TMIGD3: variants seen among roughly 807,000 people sequenced by gnomAD.
The protein encoded by TMIGD3 is transmembrane and immunoglobulin domain containing 3, also known as AD026 protein (AD026).
A neutral mutation model predicts 28.1 loss-of-function variants in TMIGD3; 21 were observed. The observed-to-expected ratio is 0.75, with a 90% confidence interval of 0.53 to 1.08. The LOEUF is 1.08. TMIGD3 is among the 50% of genes least tolerant of loss of function. The probability of loss-of-function intolerance (pLI) is 0.00; values close to 1 mark genes in which losing one functional copy is unlikely to be tolerated. For missense variants in TMIGD3, 416 were observed against 435.6 expected, an observed-to-expected ratio of 0.96 and a Z score of 0.40; for synonymous variants, 151 against 162.1, an observed-to-expected ratio of 0.93 and a Z score of 0.52.
In TMIGD3 at chr1:111,563,924, T is replaced by G. The variant is rs1303099769; in HGVS notation, c.29A>C (p.Glu10Ala). Residue 10 changes from glutamate (E) to alanine (A), a missense_variant, in exon 1 of 6, where the codon GAG becomes GCG. Coordinates refer to the TMIGD3 transcript ENST00000369717. ...GCTTTCCCACCTGGCCTCCTTCTGC[T>G]CAATGGGTCCTGCTGGAGACCCTTC... The G allele has an allele frequency of 1.9e-6, 3 of 1,613,928 alleles. No homozygotes were observed. In the African/African-American group the frequency reaches 4.0e-5, roughly 22 times the overall value.
intron 1 of TMIGD3, among the ~76,000 whole-genome samples, chr1:111,526,938 A>G (rs1237799236): frequency 6.6e-6 from 1 of 151,102 alleles, no homozygotes; most frequent in Non-Finnish European, 1.5e-5. Flanking sequence ...ATTTGGAATC[A>G]TACAGTATGT....
intron 1 of TMIGD3, among the ~76,000 whole-genome samples, chr1:111,509,770 C>T (rs1655630128): frequency 6.6e-6 from 1 of 152,230 alleles, no homozygotes; most frequent in African/African-American, 2.4e-5. Context: ...GATAAAATGC[C>T]AATTCACATG....
chr1:111,489,258 T>A (rs1475296295), intron 2 of TMIGD3, among the ~76,000 whole-genome samples: 1 of 152,192 alleles, frequency 6.6e-6, no homozygotes, highest in East Asian at 1.9e-4. Context: ...TATAAGGCCT[T>A]TAAAGAGATA....
chr1:111,550,386 C>T (rs1198014827), intron 1 of TMIGD3, among the ~76,000 whole-genome samples: 1 of 151,860 alleles, frequency 6.6e-6, no homozygotes, highest in Non-Finnish European at 1.5e-5. Flanking sequence ...TCAGTTTGCC[C>T]TTCTTTTTCT....
intron 1 of TMIGD3, among the ~76,000 whole-genome samples, chr1:111,519,377 G>T (rs1655977783): frequency 6.6e-6 from 1 of 152,162 alleles, no homozygotes; most frequent in Non-Finnish European, 1.5e-5. Context: ...GCAGCACTTT[G>T]TGTTTCTTAT....
At chr1:111,529,930 T>C (rs1200193903) in intron 1 of TMIGD3, among the ~76,000 whole-genome samples, 1 of 147,160 alleles carries the variant, frequency 6.8e-6, no homozygotes, top group African/African-American at 2.6e-5. Flanking sequence ...GGCTCCTCAC[T>C]TCCCAGTAGG....
chr1:111,519,454 C>A (rs1655979749), intron 1 of TMIGD3, among the ~76,000 whole-genome samples: 1 of 152,212 alleles, frequency 6.6e-6, no homozygotes, highest in African/African-American at 2.4e-5. Context: ...AGTTTCATTT[C>A]CTTTTGGTTC....
At chr1:111,527,028 T>TTTTTG (rs1656289475) in intron 1 of TMIGD3, among the ~76,000 whole-genome samples, 1 of 148,456 alleles carries the variant, frequency 6.7e-6, no homozygotes, top group South Asian at 2.2e-4. Flanking sequence ...TTTTTTTTTT[T>TTTTTG]GAGACTGAGT....
At chr1:111,503,647 C>T, upstream of TMIGD3, 1 of 1,154,490 alleles carries the variant, frequency 8.7e-7, no homozygotes, top group Non-Finnish European at 1.1e-6. Context: ...TCTGAAAGTG[C>T]TGCTGCTCTT....
chr1:111,517,967 C>T (rs942406724), intron 1 of TMIGD3, among the ~76,000 whole-genome samples: 13 of 152,172 alleles, frequency 8.5e-5, no homozygotes, highest in African/African-American at 3.1e-4. Flanking sequence ...TCTTTTGTAT[C>T]TTAACACATC....
In TMIGD3 at chr1:111,501,413, T is replaced by A. The variant is rs1655166967; in HGVS notation, c.350+1592A>T. 2.0e-5 allele frequency: 3 copies of A among 152,208 alleles called. No individual in the cohort carries two copies. The South Asian group carries it at 6.2e-4, about 31-fold the overall frequency. 9.4% of individuals were successfully genotyped at this position (152,208 alleles called of 1,614,324 possible). ...ATAGTTAAGTATCAGTAGATTTTTA[T>A]CTCAATTAAATCTCACAACAAACAG... is the stretch of plus-strand genomic sequence containing the variant. On this transcript the variant is annotated intron_variant, in intron 1 of 5. Transcript: ENST00000369716.
rs887099020 is a variant in TMIGD3 at position 111,496,393 on chromosome 1, T to C, written c.351-5631A>G. Among the ~76,000 whole-genome samples the C allele has an allele frequency of 2.0e-5, 3 of 152,262 alleles. No individual in the cohort carries two copies. In the Middle Eastern group the frequency reaches 0.01, roughly 518 times the overall value. On this transcript the variant is annotated intron_variant, in intron 1 of 5. Coordinates refer to ENST00000369716, the MANE Select transcript of TMIGD3 (RefSeq NM_020683.7). ...GGCACACCTAAAGCCTTTCCCTTTT[T>C]TCACTGATGAAAAAAATTAATCGGA...
At chr1:111,490,483 G>A in intron 2 of TMIGD3, 173 bp downstream of exon 2, 1 of 590,818 alleles carries the variant, frequency 1.7e-6, no homozygotes, top group Non-Finnish European at 3.0e-6. Flanking sequence ...TCTGAGCTAA[G>A]AACAAGAACT....
chr1:111,557,914 G>A (rs1657568833), intron 1 of TMIGD3, among the ~76,000 whole-genome samples: 1 of 152,098 alleles, frequency 6.6e-6, no homozygotes, highest in African/African-American at 2.4e-5. Context: ...GTATCAAATA[G>A]CTTTAGCCTG....
chr1:111,558,500 A>T (rs1387286606), intron 1 of TMIGD3, among the ~76,000 whole-genome samples: 1 of 152,156 alleles, frequency 6.6e-6, no homozygotes, highest in Admixed American at 6.5e-5. Flanking sequence ...AATAATTTTT[A>T]AAAAGCACTT....
chr1:111,494,728 A>T (rs1312210104), intron 1 of TMIGD3, among the ~76,000 whole-genome samples: 2 of 152,230 alleles, frequency 1.3e-5, no homozygotes, highest in Non-Finnish European at 2.9e-5. Context: ...AGGATATGAC[A>T]TTACTCAACT....
At position 111,502,983 on chromosome 1, in the gene TMIGD3, C is replaced by A. The variant is rs776967310; in HGVS notation, c.350+22G>T. 3 of 1,608,022 alleles carry A rather than the reference C, an allele frequency of 1.9e-6. No homozygotes were observed. The South Asian group carries it at 3.3e-5, about 18-fold the overall frequency. On this transcript the variant is annotated intron_variant, in intron 1 of 5. Coordinates refer to ENST00000369716, the MANE Select transcript of TMIGD3 (RefSeq NM_020683.7). ...CATTTCCCAGCTGCCTCAATTGCTG[C>A]CCACCCCACGCCGCAGGCTACCTGA...
At chr1:111,555,506 A>C (rs1162466433) in intron 1 of TMIGD3, among the ~76,000 whole-genome samples, 1 of 152,072 alleles carries the variant, frequency 6.6e-6, no homozygotes, top group East Asian at 1.9e-4. Flanking sequence ...CAGAAGAATT[A>C]GTAAATTGAA....
chr1:111,484,004 A>G (rs1654242204), intron 5 of TMIGD3, among the ~76,000 whole-genome samples: 1 of 152,236 alleles, frequency 6.6e-6, no homozygotes, highest in South Asian at 2.1e-4. Context: ...TCAGAGCCCA[A>G]GAATGTCAAA....
Sources: allele counts gnomAD v4.1 joint callset (sites outside exome capture counted in the v4.1 genomes callset), GRCh38; gene constraint gnomAD v4.1.1; transcripts MANE v1.5; gene names NCBI Gene and HGNC (gene_info 2026-07-23, HGNC 2026-07-21).